S100A8: variants seen among roughly 807,000 people sequenced by gnomAD.
S100A8 encodes the protein protein S100-A8.
Under a neutral mutation model 4.2 loss-of-function variants are expected in S100A8, and 1 was observed. That is an observed-to-expected ratio of 0.24 (90% CI 0.08 to 1.12). The LOEUF is 1.12. Ranked by LOEUF, S100A8 falls within the 50% of genes most tolerant of loss-of-function variation. The probability of loss-of-function intolerance (pLI) is 0.53; values close to 1 mark genes in which losing one functional copy is unlikely to be tolerated. For synonymous variants in S100A8, 41 were observed against 44.7 expected (o/e 0.92, Z 0.33); for missense variants, 96 against 111.8 (o/e 0.86, Z 0.64).
At chr1:153,390,316 G>A in intron 2 of S100A8, 73 bp from the exon 3 acceptor site, 2 of 1,601,592 alleles carry the variant, frequency 1.2e-6, no homozygotes, top group Middle Eastern at 3.3e-4. Context: ...CATCTATGAA[G>A]GGTGGCAGGG....
chr1:153,399,222 C>T, the S100A8 span, among the ~76,000 whole-genome samples: 1 of 152,204 alleles, frequency 6.6e-6, no homozygotes, highest in African/African-American at 2.4e-5. Flanking sequence ...ATCCTCAATG[C>T]CTCCAATTAT....
At chr1:153,419,566 A>C in the S100A8 span, 67,550 of 491,116 alleles carry the variant, frequency 0.14, 7,296 homozygotes, top group African/African-American at 0.43. Context: ...CTGCCTCTGC[A>C]CCGTTCCCTA....
the S100A8 span, among the ~76,000 whole-genome samples, chr1:153,403,577 C>T: frequency 6.6e-6 from 1 of 152,130 alleles, no homozygotes; most frequent in Non-Finnish European, 1.5e-5. Flanking sequence ...CCCTCCCCAC[C>T]CCCACTCCAC....
the S100A8 span, chr1:153,419,450 T>C: frequency 1.0e-6 from 1 of 981,144 alleles, no homozygotes; most frequent in Non-Finnish European, 1.5e-6. Context: ...TTGGAGAATT[T>C]CCCCCACCCC....
At chr1:153,409,699 T>C in the S100A8 span, among the ~76,000 whole-genome samples, 1 of 151,546 alleles carries the variant, frequency 6.6e-6, no homozygotes, top group Non-Finnish European at 1.5e-5. Context: ...TTCCATCACA[T>C]TTATTCCAAA....
the S100A8 span, chr1:153,419,609 G>A: frequency 1.5e-5 from 6 of 394,788 alleles, no homozygotes; most frequent in Non-Finnish European, 2.7e-5. Flanking sequence ...CCAGGTGGAA[G>A]TTGGTAGAAG....
chr1:153,413,847 G>A, the S100A8 span, among the ~76,000 whole-genome samples: 1 of 152,090 alleles, frequency 6.6e-6, no homozygotes, highest in Non-Finnish European at 1.5e-5. Flanking sequence ...ATTGCAGCGA[G>A]CCAAGATGAC....
At chr1:153,410,306 C>T in the S100A8 span, among the ~76,000 whole-genome samples, 1 of 152,022 alleles carries the variant, frequency 6.6e-6, no homozygotes, top group Non-Finnish European at 1.5e-5. Flanking sequence ...ATATCACCAC[C>T]GATCCCACAG....
chr1:153,412,300 A>C, the S100A8 span, among the ~76,000 whole-genome samples: 1 of 152,208 alleles, frequency 6.6e-6, no homozygotes, highest in Non-Finnish European at 1.5e-5. Flanking sequence ...AAAAACAAAC[A>C]ACCCCATCAA....
chr1:153,399,125 T>C, the S100A8 span, among the ~76,000 whole-genome samples: 24,207 of 152,126 alleles, frequency 0.16, 2,413 homozygotes, highest in African/African-American at 0.29. Context: ...AGATCCAGCC[T>C]GTAGTTGATC....
chr1:153,417,174 G>A, the S100A8 span: 1 of 152,312 alleles, frequency 6.6e-6, no homozygotes, highest in African/African-American at 2.4e-5. Context: ...GTCCTTTTCT[G>A]GTTCTTTGGA....
chr1:153,414,784 G>A, the S100A8 span, among the ~76,000 whole-genome samples: 16,720 of 152,242 alleles, frequency 0.11, 921 homozygotes, highest in Middle Eastern at 0.13. Context: ...AGAACTGAAA[G>A]CTTATGTCCA....
At chr1:153,411,872 G>A in the S100A8 span, among the ~76,000 whole-genome samples, 90 of 152,306 alleles carry the variant, frequency 5.9e-4, no homozygotes, top group East Asian at 0.017. Context: ...ACAAAAACAA[G>A]AAATGGGGAA....
the S100A8 span, among the ~76,000 whole-genome samples, chr1:153,400,144 A>G: frequency 6.6e-6 from 1 of 152,196 alleles, no homozygotes; most frequent in South Asian, 2.1e-4. Flanking sequence ...ACCCATGGCC[A>G]GGGCAAGACT....
the S100A8 span, among the ~76,000 whole-genome samples, chr1:153,411,319 A>T: frequency 6.6e-6 from 1 of 152,360 alleles, no homozygotes; most frequent in Non-Finnish European, 1.5e-5. Flanking sequence ...AATCACAAGC[A>T]TTCTTATACA....
the S100A8 span, among the ~76,000 whole-genome samples, chr1:153,407,476 G>A: frequency 6.6e-6 from 1 of 152,230 alleles, no homozygotes; most frequent in East Asian, 1.9e-4. Context: ...CAGGAAGCGC[G>A]AACTGGGTGG....
chr1:153,415,136 C>CTG, the S100A8 span, among the ~76,000 whole-genome samples: 18 of 151,170 alleles, frequency 1.2e-4, no homozygotes, highest in African/African-American at 2.4e-4. Context: ...TAGTATTCGT[C>CTG]TGTGTGTGTG....
At chr1:153,404,403 T>C in the S100A8 span, among the ~76,000 whole-genome samples, 3 of 152,130 alleles carry the variant, frequency 2.0e-5, no homozygotes, top group Admixed American at 2.0e-4. Context: ...CCTGAAGCTA[T>C]CTAGGGGTCC....
chr1:153,411,987 A>G, the S100A8 span, among the ~76,000 whole-genome samples: 1 of 152,232 alleles, frequency 6.6e-6, no homozygotes, highest in Admixed American at 6.5e-5. Flanking sequence ...TTAAATCAAG[A>G]TGGATTAAAG....
Sources: gnomAD v4.1 joint callset for allele counts (sites outside exome capture counted in the v4.1 genomes callset) on GRCh38, gnomAD v4.1.1 for gene constraint, MANE v1.5 for transcripts, NCBI Gene and HGNC (gene_info 2026-07-23, HGNC 2026-07-21) for gene names.